MGAT5B: variants seen among roughly 807,000 people sequenced by gnomAD.
The protein encoded by MGAT5B is N-acetylglucosaminyl-transferase Vb.
Under a neutral mutation model 95.1 loss-of-function variants are expected in MGAT5B, and 54 were observed. That is an observed-to-expected ratio of 0.57 (90% CI 0.46 to 0.71). The LOEUF (loss-of-function observed/expected upper bound fraction) is 0.71, where lower values mean the gene tolerates loss of function less well. Ranked by LOEUF, MGAT5B falls within the 30% of genes least tolerant of loss-of-function variation. The pLI, the probability that MGAT5B is intolerant of heterozygous loss-of-function variation, is 0.00. For missense variants in MGAT5B, 935 were observed against 1,088.6 expected (o/e 0.86, Z 1.99); for synonymous variants, 464 against 451.0 (o/e 1.03, Z -0.36).
intron 3 of MGAT5B, among the ~76,000 whole-genome samples, chr17:76,898,031 G>A (rs1968162804): frequency 6.7e-6 from 1 of 149,656 alleles, no homozygotes; most frequent in African/African-American, 2.5e-5. Context: ...ACTCCAGCCT[G>A]GGCAACGAGA....
At position 76,869,218 on chromosome 17, in the gene MGAT5B, G is replaced by C; in HGVS notation, c.68+121G>C. 1 of 861,920 alleles carries C rather than the reference G, an allele frequency of 1.2e-6. No individual in the cohort carries two copies. Among genetic ancestry groups the C allele is most frequent in the Non-Finnish European group, 2.0e-6 (1 of 512,732 alleles). 53.4% of individuals were successfully genotyped at this position (861,920 alleles called of 1,614,324 possible). A position where few individuals can be genotyped will look rare whatever the true frequency, so the allele number is the denominator to read the frequency against. ...GGGGGCGGTTCACACTTCAACCCCT[G>C]GTGATGACCAGTGGGGCTGGGCTGG... On this transcript the variant is annotated intron_variant, in intron 1 of 17. Transcript: ENST00000569840. The surrounding 1 kb of genome is among the most constrained non-coding windows in gnomAD (Gnocchi z 7.0).
chr17:76,880,717 C>T (rs1967379555), intron 2 of MGAT5B, among the ~76,000 whole-genome samples: 1 of 152,212 alleles, frequency 6.6e-6, no homozygotes, highest in African/African-American at 2.4e-5. Context: ...TCCCCTTGCC[C>T]CTCCCCAGGT....
At chr17:76,931,045 C>T (rs534926981) in intron 10 of MGAT5B, among the ~76,000 whole-genome samples, 2 of 152,206 alleles carry the variant, frequency 1.3e-5, no homozygotes, top group Non-Finnish European at 2.9e-5. Flanking sequence ...GCTGGTGGCA[C>T]AGAAGTGAAC....
chr17:76,927,131 C>T (rs58143126), intron 10 of MGAT5B, among the ~76,000 whole-genome samples: 33,679 of 152,056 alleles, frequency 0.22, 3,797 homozygotes, highest in East Asian at 0.27. Flanking sequence ...GGAACAGATG[C>T]AGTAAAGAGG....
At chr17:76,900,881 GTGTGTGCA>G (rs1968281145) in intron 3 of MGAT5B, among the ~76,000 whole-genome samples, 1 of 100,056 alleles carries the variant, frequency 1.0e-5, no homozygotes, top group Non-Finnish European at 1.8e-5. Flanking sequence ...ATGTGTGCGT[GTGTGTGCA>G]TGTGTGTGCA....
intron 8 of MGAT5B, among the ~76,000 whole-genome samples, chr17:76,920,013 T>A (rs1431523279): frequency 2.0e-5 from 3 of 152,168 alleles, no homozygotes; most frequent in Non-Finnish European, 2.9e-5. Context: ...TCCATTCCCC[T>A]GGACCACCCT....
chr17:76,939,029 GGTGTGTGTGTGTGTGT>G lies in MGAT5B; in HGVS notation c.1584+917_1584+932del, dbSNP rs372571720. On this transcript the variant is annotated intron_variant, in intron 13 of 17. Coordinates refer to ENST00000569840, the MANE Select transcript of MGAT5B (RefSeq NM_001199172.2). ...AGCTTGTTTCCCAAGGCATCTTGGG[GGTGTGTGTGTGTGTGT>G]GTGTGTGTGTGTGTGTGTGTGTGTG... Among the ~76,000 whole-genome samples the G allele has an allele frequency of 7.4e-3, 955 of 128,262 alleles. 18 individuals are homozygous for G. Among genetic ancestry groups the G allele is most frequent in the Non-Finnish European group, 6.9e-3 (427 of 62,068 alleles). 84.1% of individuals were successfully genotyped at this position (128,262 alleles called of 152,430 possible). A position where few individuals can be genotyped will look rare whatever the true frequency, so the allele number is the denominator to read the frequency against.
intron 2 of MGAT5B, among the ~76,000 whole-genome samples, chr17:76,878,268 G>T (rs575944006): frequency 6.6e-6 from 1 of 152,282 alleles, no homozygotes; most frequent in East Asian, 1.9e-4. Flanking sequence ...GGAAGGGGTA[G>T]GGGCTGTCTC....
intron 3 of MGAT5B, among the ~76,000 whole-genome samples, chr17:76,885,547 C>T (rs898823483): frequency 6.6e-6 from 1 of 152,164 alleles, no homozygotes; most frequent in Non-Finnish European, 1.5e-5. Flanking sequence ...TGGCCTGTGC[C>T]TCCCTCCCCT....
At chr17:76,886,690 G>A (rs780295803) in intron 3 of MGAT5B, among the ~76,000 whole-genome samples, 2 of 152,152 alleles carry the variant, frequency 1.3e-5, no homozygotes, top group African/African-American at 2.4e-5. Context: ...CACTGTGGCC[G>A]GAGGACCTGG....
chr17:76,948,147 T>C, intron 17 of MGAT5B, 61 bp downstream of exon 17: 3 of 1,512,430 alleles, frequency 2.0e-6, no homozygotes, highest in East Asian at 4.7e-5. Flanking sequence ...CCGGGTTCAC[T>C]GAGAGCTCTC....
intron 3 of MGAT5B, among the ~76,000 whole-genome samples, chr17:76,894,108 C>T (rs965092110): frequency 2.0e-5 from 3 of 152,224 alleles, no homozygotes; most frequent in African/African-American, 7.2e-5. Context: ...CCCTCGTAAG[C>T]TTGTGGGCAC....
At chr17:76,884,368 A>G (rs1967542220) in intron 3 of MGAT5B, among the ~76,000 whole-genome samples, 3 of 152,104 alleles carry the variant, frequency 2.0e-5, no homozygotes, top group Non-Finnish European at 4.4e-5. Flanking sequence ...GCTCTTGATG[A>G]TTGATTCAAT....
At chr17:76,892,135 C>T (rs1967893624) in intron 3 of MGAT5B, among the ~76,000 whole-genome samples, 1 of 152,156 alleles carries the variant, frequency 6.6e-6, no homozygotes, top group Admixed American at 6.5e-5. Flanking sequence ...AAGATCTCAA[C>T]CTTCTGGGCT....
intron 2 of MGAT5B, among the ~76,000 whole-genome samples, chr17:76,873,551 G>A (rs1281279509): frequency 1.3e-5 from 2 of 152,214 alleles, no homozygotes; most frequent in African/African-American, 4.8e-5. Context: ...CTTCCCTACA[G>A]AGAAGGACAG....
At chr17:76,899,994 A>C (rs1168557806) in intron 3 of MGAT5B, among the ~76,000 whole-genome samples, 1 of 152,180 alleles carries the variant, frequency 6.6e-6, no homozygotes, top group African/African-American at 2.4e-5. Context: ...CACGAATGCA[A>C]ACAGTGCTGA....
chr17:76,887,810 G>A (rs182949260), intron 3 of MGAT5B, among the ~76,000 whole-genome samples: 3 of 151,796 alleles, frequency 2.0e-5, no homozygotes, highest in East Asian at 3.9e-4. Context: ...GCCCGCCTTG[G>A]CCTCCCAAAG....
rs75898685 is a variant in MGAT5B at position 76,886,491 on chromosome 17, G to A, written c.329+4193G>A. On this transcript the variant is annotated intron_variant, in intron 3 of 17. Coordinates refer to ENST00000569840, the MANE Select transcript of MGAT5B (RefSeq NM_001199172.2). ...GTACCGTGAGGGTCCAGAGAAGGGG[G>A]TGACCCAACCACTCTTTGGGAGGCT... is the stretch of plus-strand genomic sequence containing the variant. Among the ~76,000 whole-genome samples, 5 of 152,388 alleles carry A rather than the reference G, an allele frequency of 3.3e-5. No homozygotes were observed. The East Asian group carries it at 9.6e-4, about 29-fold the overall frequency.
rs1279933487 is a variant in MGAT5B at position 76,948,807 on chromosome 17, G to A, written c.2348G>A (p.Gly783Asp). 6.2e-7 allele frequency: 1 copy of A among 1,606,012 alleles called. No homozygotes were observed. The highest frequency in any genetic ancestry group is 1.1e-5 in the South Asian group (1 of 89,512). ...TGCCCCTGCCGCGACTTCCGCAAGG[G>A]CCAGGTGGCCTTGTGCCAGGGCTGT... ...RLCPCRDFRK[G>D]QVALCQGCL The change falls in exon 18 of 18, where the codon GGC (glycine) becomes GAC (aspartate). Residue 783 changes from glycine to aspartate, a missense_variant. By Grantham distance (94) the Gly-to-Asp change is moderately conservative. Coordinates refer to ENST00000569840, the MANE Select transcript of MGAT5B (RefSeq NM_001199172.2).
Sources: allele counts gnomAD v4.1 joint callset (sites outside exome capture counted in the v4.1 genomes callset), GRCh38; gene constraint gnomAD v4.1.1; non-coding constraint Gnocchi (gnomAD v3.1); transcripts MANE v1.5; gene names NCBI Gene and HGNC (gene_info 2026-07-23, HGNC 2026-07-21).